Variants in ACTR3C observed in about 807,000 individuals in gnomAD.
ACTR3C encodes the protein actin related protein 3C.
A neutral mutation model predicts 26.3 loss-of-function variants in ACTR3C; 18 were observed. The observed-to-expected ratio is 0.68, with a 90% CI of 0.47 to 1.01. The LOEUF is 1.01. Ranked by LOEUF, ACTR3C falls within the 50% of genes least tolerant of loss-of-function variation. The pLI is 0.00. For missense variants in ACTR3C, 184 were observed against 250.7 expected, an observed-to-expected ratio of 0.73 and a Z score of 1.80; for synonymous variants, 55 against 94.5, an observed-to-expected ratio of 0.58 and a Z score of 2.42.
At chr7:150,150,687 T>A in the ACTR3C span, among the ~76,000 whole-genome samples, 1 of 139,284 alleles carries the variant, frequency 7.2e-6, no homozygotes, top group South Asian at 2.8e-4. Flanking sequence ...TTGGGTTTCT[T>A]TACTCTTATT....
the ACTR3C span, among the ~76,000 whole-genome samples, chr7:149,886,609 C>T: frequency 4.6e-5 from 7 of 152,250 alleles, no homozygotes; most frequent in South Asian, 4.1e-4. Context: ...AACACACAGA[C>T]GACTCAAGGG....
chr7:150,291,712 C>CCTA, intron 3 of ACTR3C, among the ~76,000 whole-genome samples: 1 of 151,994 alleles, frequency 6.6e-6, no homozygotes, highest in South Asian at 2.1e-4. Context: ...GGGGTGCAGG[C>CCTA]CAGGGGCCTA....
chr7:150,111,477 T>G, the ACTR3C span, among the ~76,000 whole-genome samples: 2 of 89,960 alleles, frequency 2.2e-5, 1 homozygote, highest in African/African-American at 1.2e-4. Context: ...CTCACACACT[T>G]GCACACTCAC....
the ACTR3C span, among the ~76,000 whole-genome samples, chr7:150,180,340 T>C: frequency 2.0e-5 from 3 of 150,054 alleles, no homozygotes; most frequent in African/African-American, 7.6e-5. Flanking sequence ...AAGGAAATCT[T>C]CCCCTTCCTA....
intron 6 of ACTR3C, among the ~76,000 whole-genome samples, chr7:150,260,301 C>T (rs1278690272): frequency 6.6e-6 from 1 of 152,052 alleles, no homozygotes; most frequent in East Asian, 1.9e-4. Flanking sequence ...AAAATTAGCA[C>T]ACAAAAATGG....
At chr7:149,908,639 C>A in the ACTR3C span, among the ~76,000 whole-genome samples, 1 of 152,204 alleles carries the variant, frequency 6.6e-6, no homozygotes, top group Admixed American at 6.5e-5. Context: ...CCCCTAAAAA[C>A]TTACAATTTC....
At chr7:150,192,195 T>C in the ACTR3C span, among the ~76,000 whole-genome samples, 4 of 151,462 alleles carry the variant, frequency 2.6e-5, no homozygotes, top group African/African-American at 7.3e-5. Context: ...TCTTTTAATC[T>C]TTTGCCTGTT....
At chr7:149,938,167 A>G in the ACTR3C span, among the ~76,000 whole-genome samples, 2 of 152,100 alleles carry the variant, frequency 1.3e-5, no homozygotes. Context: ...TTAAAAGCTG[A>G]CTCGCTGCTT....
the ACTR3C span, among the ~76,000 whole-genome samples, chr7:150,077,952 G>A: frequency 6.6e-6 from 1 of 152,116 alleles, no homozygotes; most frequent in Non-Finnish European, 1.5e-5. Flanking sequence ...TGAACTGGAC[G>A]TGCAATTCAG....
chr7:150,047,808 C>T, the ACTR3C span: 20,576 of 1,531,698 alleles, frequency 0.013, 271 homozygotes, highest in South Asian at 0.051. Flanking sequence ...GGGGAAGGAC[C>T]TCGAGGTGTT....
At chr7:150,152,692 T>G in the ACTR3C span, among the ~76,000 whole-genome samples, 1 of 152,200 alleles carries the variant, frequency 6.6e-6, no homozygotes, top group Non-Finnish European at 1.5e-5. Flanking sequence ...TTCTGTTGAT[T>G]GGAATTGTTT....
At chr7:150,040,101 A>G in the ACTR3C span, among the ~76,000 whole-genome samples, 13 of 146,366 alleles carry the variant, frequency 8.9e-5, 1 homozygote, top group Non-Finnish European at 1.8e-4. Flanking sequence ...GCCAGGGGGG[A>G]AGAGGGGATG....
the ACTR3C span, among the ~76,000 whole-genome samples, chr7:150,220,956 G>C: frequency 6.6e-6 from 1 of 152,302 alleles, no homozygotes; most frequent in Non-Finnish European, 1.5e-5. Flanking sequence ...CAGGGCTCCA[G>C]CCGCCAAATC....
At chr7:150,250,490 A>G (rs1032114852) in intron 6 of ACTR3C, among the ~76,000 whole-genome samples, 9 of 151,926 alleles carry the variant, frequency 5.9e-5, no homozygotes, top group African/African-American at 2.2e-4. Context: ...GGCTTGAGCC[A>G]CTGCGCCCGG....
At chr7:150,199,406 A>G in the ACTR3C span, among the ~76,000 whole-genome samples, 29 of 109,540 alleles carry the variant, frequency 2.6e-4, no homozygotes, top group East Asian at 6.1e-3. Flanking sequence ...GCTTGAAGGC[A>G]GCATGCTCGT....
At chr7:150,237,505 G>A in the ACTR3C span, among the ~76,000 whole-genome samples, 1 of 151,884 alleles carries the variant, frequency 6.6e-6, no homozygotes, top group African/African-American at 2.4e-5. Context: ...ATTTCCCAGG[G>A]CCCACACTGG....
chr7:149,938,686 A>G, the ACTR3C span, among the ~76,000 whole-genome samples: 2 of 152,124 alleles, frequency 1.3e-5, no homozygotes, highest in African/African-American at 4.8e-5. Context: ...CCCCTCCAAG[A>G]TCTGAAAGCT....
chr7:150,248,036 G>A (rs1832564512), intron 7 of ACTR3C: 2 of 152,246 alleles, frequency 1.3e-5, no homozygotes, highest in African/African-American at 2.4e-5. Context: ...AACAATAGAC[G>A]ATGCTGTTGG....
At chr7:150,262,724 A>G (rs930659223) in intron 6 of ACTR3C, among the ~76,000 whole-genome samples, 16 of 152,388 alleles carry the variant, frequency 1.0e-4, no homozygotes, top group African/African-American at 3.6e-4. Context: ...ACATTTTATG[A>G]TTCTAATATA....
Sources: allele counts gnomAD v4.1 joint callset (sites outside exome capture counted in the v4.1 genomes callset), GRCh38; gene constraint gnomAD v4.1.1; transcripts MANE v1.5; gene names NCBI Gene and HGNC (gene_info 2026-07-23, HGNC 2026-07-21).